Variants in LPO observed in about 807,000 individuals in gnomAD.
LPO encodes lactoperoxidase.
Under a neutral mutation model 68.4 loss-of-function variants are expected in LPO, and 70 were observed. The ratio of observed to expected loss-of-function variants is 1.02; its 90% CI spans 0.84 to 1.25. LPO has a LOEUF of 1.25. LPO is among the 50% of genes most tolerant of loss of function. The pLI is 0.00. For synonymous variants in LPO, 360 were observed against 357.6 expected (o/e 1.01, Z -0.08); for missense variants, 873 against 908.4 (o/e 0.96, Z 0.50).
Position 58,255,247 on chromosome 17 carries a change from T to C in LPO, c.1266+276T>C, listed in dbSNP as rs150382710. ...AGTGTGCCTGCCTGGGTGCCATTACTGGGACTGTAGGCTCCTTCACTCCCG... is the reference window on the plus strand; with the variant it reads ...AGTGTGCCTGCCTGGGTGCCATTACCGGGACTGTAGGCTCCTTCACTCCCG... On this transcript the variant is annotated intron_variant, in intron 9 of 12. Coordinates refer to ENST00000262290, the MANE Select transcript of LPO (RefSeq NM_006151.3). Among the ~76,000 whole-genome samples the C allele has an allele frequency of 4.5e-3, 685 of 152,342 alleles. 6 individuals are homozygous for C. Among genetic ancestry groups the C allele is most frequent in the Middle Eastern group, 0.031 (9 of 294 alleles).
rs1219719381 is a variant in LPO, at chr17:58,266,687, G to A, written c.1693+361G>A. Among the ~76,000 whole-genome samples the A allele has an allele frequency of 2.0e-5, 3 of 152,098 alleles. No individual in the cohort carries two copies. The East Asian group carries it at 5.8e-4, about 29-fold the overall frequency. ...GCCCAGGCTGGTCTCGAACTCCTGGGCTCAAGCAATCTCCCACCTTGGCCT... is the reference window on the plus strand; with the variant it reads ...GCCCAGGCTGGTCTCGAACTCCTGGACTCAAGCAATCTCCCACCTTGGCCT... On this transcript the variant is annotated intron_variant, in intron 11 of 12. Coordinates refer to ENST00000262290, the MANE Select transcript of LPO (RefSeq NM_006151.3).
intron 9 of LPO, among the ~76,000 whole-genome samples, chr17:58,258,189 G>C (rs1849848611): frequency 6.6e-6 from 1 of 152,176 alleles, no homozygotes; most frequent in African/African-American, 2.4e-5. Context: ...GCCTATGCTT[G>C]TGGGATAGTG....
Position 58,267,421 on chromosome 17 carries a change from A to G in LPO, c.1766A>G (p.Lys589Arg). Residue 589 changes from lysine to arginine, a missense_variant, in exon 12 of 13, where the codon AAG (lysine) becomes AGG (arginine). Lys to Arg is a conservative substitution (Grantham distance 26). Coordinates refer to ENST00000262290, the MANE Select transcript of LPO (RefSeq NM_006151.3). ...CTAGAGGAGTTGAACACAGTGCTGA[A>G]GAGCAAGATGCTGGCCAAGAAGTTA... ...QTLEELNTVLKSKMLAKKLLG... is the reference protein window; with the variant it reads ...QTLEELNTVLRSKMLAKKLLG... 6.2e-7 allele frequency: 1 copy of G among 1,614,238 alleles called. No homozygotes were observed. Among genetic ancestry groups the G allele is most frequent in the Non-Finnish European group, 8.5e-7 (1 of 1,180,040 alleles).
At chr17:58,267,723 CT>C in intron 12 of LPO, 63 bp from the exon 13 acceptor site, 1 of 1,528,268 alleles carries the variant, frequency 6.5e-7, no homozygotes, top group Non-Finnish European at 9.0e-7. Context: ...TTTCCTTCCC[CT>C]GTGACAGAGT....
chr17:58,244,090 GACACACACACACACACACACACACAC>G lies in LPO; in HGVS notation c.164+26_164+51del. On this transcript the variant is annotated intron_variant, in intron 3 of 12. Coordinates refer to ENST00000262290, the MANE Select transcript of LPO (RefSeq NM_006151.3). ...CTGGACTCCCGAACCAGGTACGTGA[GACACACACACACACACACACACACAC>G]ACACACACACACACACTTCCCTTCA... 3 of 1,060,412 alleles carry G rather than the reference GACACACACACACACACACACACACAC, an allele frequency of 2.8e-6. No homozygotes were observed. The highest frequency in any genetic ancestry group is 4.2e-6 in the Non-Finnish European group (3 of 706,622). The allele number at this position is 1,060,412 out of a possible 1,614,324, so 65.7% of individuals were successfully genotyped here. A position where few individuals can be genotyped will look rare whatever the true frequency, so the allele number is the denominator to read the frequency against.
chr17:58,244,821 T>C (rs1247720973), intron 3 of LPO, among the ~76,000 whole-genome samples: 1 of 152,220 alleles, frequency 6.6e-6, no homozygotes, highest in Non-Finnish European at 1.5e-5. Flanking sequence ...CTGTAGCAGA[T>C]GCACCCATGG....
At chr17:58,249,444 G>T in intron 5 of LPO, 122 bp from the exon 6 acceptor site, 2 of 1,408,260 alleles carry the variant, frequency 1.4e-6, no homozygotes, top group Non-Finnish European at 9.4e-7. Context: ...CCCCAAATTT[G>T]AGAGGCCCCC....
intron 9 of LPO, among the ~76,000 whole-genome samples, chr17:58,256,411 T>G (rs942553122): frequency 3.9e-5 from 6 of 151,926 alleles, no homozygotes; most frequent in African/African-American, 1.5e-4. Flanking sequence ...TTAGGTGTTT[T>G]TTTTTTTTTT....
At chr17:58,250,683 T>TC (rs1425448787) in intron 7 of LPO, 62 bp downstream of exon 7, 2 of 1,515,098 alleles carry the variant, frequency 1.3e-6, no homozygotes, top group Non-Finnish European at 1.8e-6. Flanking sequence ...TAGCAGACAT[T>TC]CCCAGCTCAT....
intron 9 of LPO, among the ~76,000 whole-genome samples, chr17:58,258,409 C>T (rs989732762): frequency 2.0e-5 from 3 of 152,134 alleles, no homozygotes; most frequent in African/African-American, 7.2e-5. Flanking sequence ...GTCTTTTCCC[C>T]AGTATATGTT....
chr17:58,254,152 TATAGATAG>T (rs34548791), intron 8 of LPO, among the ~76,000 whole-genome samples: 79 of 133,396 alleles, frequency 5.9e-4, no homozygotes, highest in East Asian at 3.0e-3. Flanking sequence ...TATATAGATA[TATAGATAG>T]ATAGATAGAT....
intron 8 of LPO, among the ~76,000 whole-genome samples, chr17:58,253,030 A>C (rs1969992513): frequency 7.9e-6 from 1 of 126,800 alleles, no homozygotes; most frequent in Non-Finnish European, 1.8e-5. Flanking sequence ...CTCAAAAAAA[A>C]AAAAAAAAAA....
At chr17:58,250,665 C>A in intron 7 of LPO, 44 bp downstream of exon 7, 1 of 1,581,694 alleles carries the variant, frequency 6.3e-7, no homozygotes, top group African/African-American at 1.3e-5. Flanking sequence ...CCCTTGCCCA[C>A]CCTGATGTAG....
chr17:58,260,144 A>G (rs953197662), intron 9 of LPO, among the ~76,000 whole-genome samples: 1 of 152,238 alleles, frequency 6.6e-6, no homozygotes, highest in Non-Finnish European at 1.5e-5. Context: ...GGAATTATAA[A>G]TGGTATTACA....
intron 9 of LPO, among the ~76,000 whole-genome samples, chr17:58,255,697 G>T: frequency 6.6e-6 from 1 of 152,128 alleles, no homozygotes; most frequent in East Asian, 1.9e-4. Flanking sequence ...AATTGTACAG[G>T]AAATTTTTAA....
intron 9 of LPO, among the ~76,000 whole-genome samples, chr17:58,255,890 T>G (rs1241139342): frequency 2.0e-5 from 3 of 152,184 alleles, no homozygotes; most frequent in Non-Finnish European, 4.4e-5. Context: ...TGTGTATGTG[T>G]CTGCATAGCT....
chr17:58,240,878 G>A (rs2143875214), intron 1 of LPO, among the ~76,000 whole-genome samples: 1 of 152,212 alleles, frequency 6.6e-6, no homozygotes, highest in East Asian at 1.9e-4. Flanking sequence ...GAATGTTTGT[G>A]CCCACAGCCC....
intron 2 of LPO, chr17:58,243,721 A>C (rs1300706894): frequency 1.9e-6 from 1 of 514,336 alleles, no homozygotes; most frequent in East Asian, 3.5e-5. Context: ...AGCCACCCTG[A>C]GTGGCCACAC....
At chr17:58,255,632 G>A (rs1419782377) in intron 9 of LPO, among the ~76,000 whole-genome samples, 1 of 152,112 alleles carries the variant, frequency 6.6e-6, no homozygotes, top group Non-Finnish European at 1.5e-5. Flanking sequence ...GAGCCAGGCG[G>A]GCCCCAGTGG....
Sources: gnomAD v4.1 joint callset for allele counts (sites outside exome capture counted in the v4.1 genomes callset) on GRCh38, gnomAD v4.1.1 for gene constraint, MANE v1.5 for transcripts, NCBI Gene and HGNC (gene_info 2026-07-23, HGNC 2026-07-21) for gene names.